Variants in RBFOX1 observed in about 807,000 individuals in gnomAD.
The protein encoded by RBFOX1 is RNA binding fox-1 homolog 1.
A neutral mutation model predicts 57.7 loss-of-function variants in RBFOX1; 8 were observed. The observed-to-expected ratio is 0.14, with a 90% CI of 0.08 to 0.25. RBFOX1 has a LOEUF of 0.25. Among genes scored for constraint, RBFOX1 ranks in the 10% least tolerant of loss-of-function variants. The pLI is 1.00. For missense variants in RBFOX1, 611 were observed against 548.5 expected (o/e 1.11, Z -1.14); for synonymous variants, 326 against 222.4 (o/e 1.47, Z -4.15).
At chr16:6,770,916 A>C (rs902420986) in intron 3 of RBFOX1, among the ~76,000 whole-genome samples, 1 of 152,126 alleles carries the variant, frequency 6.6e-6, no homozygotes, top group African/African-American at 2.4e-5. Context: ...TGGGTCTGAG[A>C]ATTACCTCTT....
intron 3 of RBFOX1, among the ~76,000 whole-genome samples, chr16:6,665,279 A>C (rs1295206037): frequency 6.6e-6 from 1 of 152,068 alleles, no homozygotes; most frequent in Non-Finnish European, 1.5e-5. Context: ...CCACCCCAGC[A>C]GTGGGATGGG....
chr16:6,923,325 G>C (rs917369542), intron 3 of RBFOX1, among the ~76,000 whole-genome samples: 1 of 152,110 alleles, frequency 6.6e-6, no homozygotes, highest in Non-Finnish European at 1.5e-5. Context: ...TGTGAGGTCA[G>C]GAGTTCAAGA....
chr16:6,712,883 G>GTTTT (rs61328266), intron 3 of RBFOX1, among the ~76,000 whole-genome samples: 3 of 83,020 alleles, frequency 3.6e-5, no homozygotes, highest in African/African-American at 4.0e-5. Flanking sequence ...TCATGGGGGT[G>GTTTT]TTTTTTTTTT....
chr16:5,358,171 C>T (rs915886464), intron 1 of RBFOX1, among the ~76,000 whole-genome samples: 1 of 151,970 alleles, frequency 6.6e-6, no homozygotes, highest in East Asian at 1.9e-4. Flanking sequence ...CTTGCCGTTC[C>T]TTGGGTTATA....
chr16:7,585,217 G>T (rs560290457), intron 6 of RBFOX1, among the ~76,000 whole-genome samples: 26 of 152,130 alleles, frequency 1.7e-4, no homozygotes, highest in Non-Finnish European at 3.4e-4. Flanking sequence ...AAAACTGGAG[G>T]TTTCTTTACT....
intron 1 of RBFOX1, among the ~76,000 whole-genome samples, chr16:5,264,877 C>G (rs2062820697): frequency 6.6e-6 from 1 of 152,142 alleles, no homozygotes; most frequent in African/African-American, 2.4e-5. Flanking sequence ...ACAGAGCACC[C>G]CACACCTCCC....
Position 7,012,466 on chromosome 16 carries a change from G to A in RBFOX1, c.-15-39591G>A, listed in dbSNP as rs571132893. 8.5e-5 allele frequency among the ~76,000 whole-genome samples: 13 copies of A among 152,276 alleles called. No individual in the cohort carries two copies. In the East Asian group the frequency reaches 1.9e-3, roughly 23 times the overall value. On this transcript the variant is annotated intron_variant, in intron 3 of 15. Transcript: ENST00000550418. ...TCAATCATAGATGACATGGAAAGTCGCATCTGTCTCATTTCCCAAGCCATG... is the reference window on the plus strand; with the variant it reads ...TCAATCATAGATGACATGGAAAGTCACATCTGTCTCATTTCCCAAGCCATG...
chr16:6,852,445 A>G (rs2142020962), intron 3 of RBFOX1, among the ~76,000 whole-genome samples: 1 of 152,330 alleles, frequency 6.6e-6, no homozygotes, highest in South Asian at 2.1e-4. Flanking sequence ...TTTTGACCTG[A>G]GATATCTGAG....
At chr16:6,255,545 C>T (rs1030419539) in intron 1 of RBFOX1, among the ~76,000 whole-genome samples, 6 of 152,034 alleles carry the variant, frequency 3.9e-5, no homozygotes, top group African/African-American at 1.4e-4. Flanking sequence ...CAAATGGATA[C>T]AGGTGGGTGC....
chr16:6,011,924 A>G (rs921869619), intron 4 of RBFOX1, among the ~76,000 whole-genome samples: 7 of 152,182 alleles, frequency 4.6e-5, no homozygotes. Flanking sequence ...GAAGCATGAG[A>G]GGAGTGAACT....
intron 1 of RBFOX1, among the ~76,000 whole-genome samples, chr16:5,257,598 G>C (rs1471036583): frequency 3.3e-5 from 5 of 152,206 alleles, no homozygotes; most frequent in African/African-American, 1.2e-4. Context: ...CTGGCGCTGA[G>C]TTCTTGGACA....
At position 5,522,996 on chromosome 16, in the gene RBFOX1, TC is replaced by T. The variant is rs1471208488; in HGVS notation, c.258+55743del. On this transcript the variant is annotated intron_variant, in intron 2 of 2. Transcript: ENST00000585867. Reference sequence around the variant, plus strand: ...CTGTTGTGAATAAAGTGCTGCAAAATCATGGTGGGGGCTGGGCATTGTTACT... The same window carrying T: ...CTGTTGTGAATAAAGTGCTGCAAAATATGGTGGGGGCTGGGCATTGTTACT... 7.2e-5 allele frequency among the ~76,000 whole-genome samples: 11 copies of T among 151,906 alleles called. No homozygotes were observed. The East Asian group carries it at 1.9e-3, about 27-fold the overall frequency.
intron 2 of RBFOX1, among the ~76,000 whole-genome samples, chr16:5,573,063 C>T (rs535663519): frequency 6.6e-6 from 1 of 152,164 alleles, no homozygotes; most frequent in South Asian, 2.1e-4. Context: ...GACATTTAGG[C>T]AGTTGTCGTA....
chr16:7,493,026 C>T (rs2067435863), intron 4 of RBFOX1, among the ~76,000 whole-genome samples: 2 of 152,148 alleles, frequency 1.3e-5, no homozygotes, highest in African/African-American at 4.8e-5. Flanking sequence ...TTACAGGTGC[C>T]TGCCACCACA....
At chr16:7,306,527 A>C (rs1356005711) in intron 4 of RBFOX1, among the ~76,000 whole-genome samples, 1 of 152,030 alleles carries the variant, frequency 6.6e-6, no homozygotes, top group Non-Finnish European at 1.5e-5. Flanking sequence ...TTGCACTGCT[A>C]TCTGTGAAAG....
At chr16:7,515,555 A>C (rs894359652) in intron 4 of RBFOX1, among the ~76,000 whole-genome samples, 4 of 152,168 alleles carry the variant, frequency 2.6e-5, no homozygotes, top group East Asian at 3.9e-4. Context: ...GAATGTGGTC[A>C]CTTCACAATG....
At chr16:7,618,939 A>G (rs2058883281) in intron 10 of RBFOX1, among the ~76,000 whole-genome samples, 1 of 152,240 alleles carries the variant, frequency 6.6e-6, no homozygotes, top group Non-Finnish European at 1.5e-5. Context: ...GGAATTCCGC[A>G]TCTGCATTAG....
At position 5,909,117 on chromosome 16, in the gene RBFOX1, G is replaced by A. The variant is rs2152205209; in HGVS notation, c.351+41782G>A. The stretch of plus-strand genomic sequence containing the variant: ...TTTTTTTTTTTTTTTTTTTGAGACA[G>A]AGTCTTGCTGTGTCACCTAGGCTGG... On this transcript the variant is annotated intron_variant, in intron 4 of 19. Coordinates refer to the RBFOX1 transcript ENST00000641259. Among the ~76,000 whole-genome samples, 3 of 100,258 alleles carry A rather than the reference G, an allele frequency of 3.0e-5. 1 individual carries two copies. The South Asian group carries it at 1.1e-3, about 36-fold the overall frequency. 65.8% of individuals were successfully genotyped at this position (100,258 alleles called of 152,430 possible).
chr16:5,328,248 G>A (rs1353616478), intron 1 of RBFOX1, among the ~76,000 whole-genome samples: 1 of 152,116 alleles, frequency 6.6e-6, no homozygotes, highest in African/African-American at 2.4e-5. Flanking sequence ...TTTTAAAGGG[G>A]CCCCTAATCC....
Sources: gnomAD v4.1 joint callset for allele counts (sites outside exome capture counted in the v4.1 genomes callset) on GRCh38, gnomAD v4.1.1 for gene constraint, MANE v1.5 for transcripts, NCBI Gene and HGNC (gene_info 2026-07-23, HGNC 2026-07-21) for gene names.